The following FUBP3 variants were observed in gnomAD, a reference collection of about 807,000 sequenced individuals.
FUBP3 encodes the protein far upstream element-binding protein 3.
Under a neutral mutation model 85.6 loss-of-function variants are expected in FUBP3, and 28 were observed. The observed-to-expected ratio is 0.33, with a 90% confidence interval of 0.24 to 0.45. The LOEUF is 0.45. FUBP3 is among the 20% of genes least tolerant of loss of function. The pLI is 1.00. For missense variants in FUBP3, 583 were observed against 755.1 expected (o/e 0.77, Z 2.67); for synonymous variants, 271 against 271.4 (o/e 1.00, Z 0.01).
At chr9:130,636,150 G>A (rs752425170) in intron 18 of FUBP3, 24 bp downstream of exon 18, 75 of 1,607,474 alleles carry the variant, frequency 4.7e-5, no homozygotes, top group Middle Eastern at 3.3e-4. Flanking sequence ...CACCAGCACC[G>A]CTGCCACTCC....
At chr9:130,621,772 A>G (rs1015472143) in intron 9 of FUBP3, among the ~76,000 whole-genome samples, 2 of 151,434 alleles carry the variant, frequency 1.3e-5, no homozygotes, top group African/African-American at 4.9e-5. Flanking sequence ...GGGTGTGGTG[A>G]CGCGTGCCTG....
chr9:130,589,705 AT>A (rs779633795), intron 1 of FUBP3, among the ~76,000 whole-genome samples: 98 of 73,768 alleles, frequency 1.3e-3, no homozygotes, highest in Middle Eastern at 9.3e-3. Flanking sequence ...ATATATATAT[AT>A]TTTTTTTTTT....
chr9:130,636,207 A>G, intron 18 of FUBP3, 81 bp downstream of exon 18: 1 of 1,410,628 alleles, frequency 7.1e-7, no homozygotes, highest in Non-Finnish European at 1.0e-6. Context: ...TCCTGACCCC[A>G]GGATGAGAGC....
At chr9:130,596,473 AT>A (rs1830873133) in intron 2 of FUBP3, among the ~76,000 whole-genome samples, 1 of 151,844 alleles carries the variant, frequency 6.6e-6, no homozygotes, top group African/African-American at 2.4e-5. Context: ...GAAAAATATA[AT>A]TTGCCATGAC....
chr9:130,580,888 C>A (rs1247900159), intron 1 of FUBP3: 2 of 152,206 alleles, frequency 1.3e-5, no homozygotes, highest in African/African-American at 2.4e-5. Flanking sequence ...ACTTTACTGC[C>A]TAGCTGCCAA....
chr9:130,603,358 A>AAAC (rs1831258619), intron 2 of FUBP3, among the ~76,000 whole-genome samples: 2 of 144,260 alleles, frequency 1.4e-5, no homozygotes, highest in Admixed American at 6.7e-5. Flanking sequence ...AAAAAAAAAA[A>AAAC]AAAAAAAAAA....
chr9:130,609,350 C>G (rs972765624), intron 2 of FUBP3, among the ~76,000 whole-genome samples: 1 of 151,104 alleles, frequency 6.6e-6, no homozygotes, highest in Non-Finnish European at 1.5e-5. Context: ...TCTTAGTGTC[C>G]GCTGCACATG....
At chr9:130,610,045 A>C in intron 3 of FUBP3, 58 bp downstream of exon 3, 1 of 1,269,358 alleles carries the variant, frequency 7.9e-7, no homozygotes, top group Non-Finnish European at 1.2e-6. Context: ...TTATTGATCC[A>C]CCATCTGTAC....
intron 2 of FUBP3, among the ~76,000 whole-genome samples, chr9:130,607,128 A>G (rs1350960999): frequency 6.8e-6 from 1 of 146,782 alleles, no homozygotes; most frequent in Non-Finnish European, 1.5e-5. Flanking sequence ...ACACCCAGCT[A>G]ATTTGTGTAT....
chr9:130,584,649 A>C (rs191791773), intron 1 of FUBP3, among the ~76,000 whole-genome samples: 1 of 151,432 alleles, frequency 6.6e-6, no homozygotes, highest in East Asian at 1.9e-4. Context: ...CAGGTGGATC[A>C]CTTGAGGTCA....
chr9:130,614,131 A>C (rs1296815990), intron 5 of FUBP3, among the ~76,000 whole-genome samples, 157 bp from the exon 6 acceptor site: 1 of 152,188 alleles, frequency 6.6e-6, no homozygotes, highest in Admixed American at 6.5e-5. Flanking sequence ...CTACCAGCTT[A>C]ATATTCTGTC....
At position 130,614,331 on chromosome 9, in the gene FUBP3, C is replaced by T; in HGVS notation, c.390C>T (p.Thr130=). 6.3e-7 allele frequency: 1 copy of T among 1,596,508 alleles called. No homozygotes were observed. The change falls in exon 6 of 19, where the codon ACC becomes ACT. Residue 130 remains threonine, a synonymous_variant. Transcript: ENST00000319725. ...AGAGGCCCTGTGTACTTACCGGAACCCCAGAAAGTATTGAGTAAGTTTATT... is the reference window on the plus strand; with the variant it reads ...AGAGGCCCTGTGTACTTACCGGAACTCCAGAAAGTATTGAGTAAGTTTATT... ...IPERPCVLTG[T]PESIEQAKRL...
Position 130,617,874 on chromosome 9 carries a change from T to C in FUBP3, c.645T>C (p.Thr215=). ...GAGCAGACAAGCCTCTTCGTATCAC[T>C]GGAGATGCATTTAAAGTACAGGTAG... ...PTGADKPLRI[T]GDAFKVQQAR... is the part of the protein sequence containing the mutation. Residue 215 remains threonine, a synonymous_variant, in exon 8 of 19, where the codon ACT becomes ACC. Coordinates refer to ENST00000319725, the MANE Select transcript of FUBP3 (RefSeq NM_003934.2). 6.3e-7 allele frequency: 1 copy of C among 1,590,498 alleles called. No individual in the cohort carries two copies. Among genetic ancestry groups the C allele is most frequent in the African/African-American group, 1.3e-5 (1 of 74,570 alleles).
intron 1 of FUBP3, among the ~76,000 whole-genome samples, chr9:130,582,303 T>A (rs75564750): frequency 0.048 from 7,242 of 152,008 alleles, 277 homozygotes; most frequent in South Asian, 0.072. Flanking sequence ...ATTAAAAAAA[T>A]TAGCTGGATG....
At chr9:130,624,592 T>TA (rs1747629275) in intron 11 of FUBP3, among the ~76,000 whole-genome samples, 1 of 151,298 alleles carries the variant, frequency 6.6e-6, no homozygotes, top group South Asian at 2.1e-4. Flanking sequence ...TAAACTTTCT[T>TA]AAAATGTTAC....
chr9:130,599,389 A>G (rs1283254415), intron 2 of FUBP3, among the ~76,000 whole-genome samples: 17 of 150,506 alleles, frequency 1.1e-4, no homozygotes, highest in African/African-American at 3.5e-4. Context: ...GTGTGTATAT[A>G]TATATATATG....
At position 130,614,328 on chromosome 9, in the gene FUBP3, A is replaced by C; in HGVS notation, c.387A>C (p.Gly129=). Residue 129 remains glycine (G), a synonymous_variant, in exon 6 of 19, where the codon GGA becomes GGC. Coordinates refer to ENST00000319725, the MANE Select transcript of FUBP3 (RefSeq NM_003934.2). ...CAGAGAGGCCCTGTGTACTTACCGG[A>C]ACCCCAGAAAGTATTGAGTAAGTTT... ...GIPERPCVLT[G]TPESIEQAKR... is the part of the protein sequence containing the mutation. 1.3e-6 allele frequency: 2 copies of C among 1,599,178 alleles called. No homozygotes were observed. Among genetic ancestry groups the C allele is most frequent in the Non-Finnish European group, 1.7e-6 (2 of 1,166,650 alleles).
At chr9:130,631,432 G>A (rs562075351) in intron 13 of FUBP3, 125 bp from the exon 14 acceptor site, 91 of 1,249,712 alleles carry the variant, frequency 7.3e-5, no homozygotes, top group Non-Finnish European at 9.1e-5. Context: ...GTGTGAGTGC[G>A]TAGGTGTCCT....
rs879356941 is a variant in FUBP3, at chr9:130,607,279, CT to C, written c.191-2660del. On this transcript the variant is annotated intron_variant, in intron 2 of 18. Coordinates refer to ENST00000319725, the MANE Select transcript of FUBP3 (RefSeq NM_003934.2). Reference sequence around the variant, plus strand: ...GAGTGACAGCACCTGACCTGACCTCCTTTTTTTTTTTTTTTAAGATTATTAT... The same window carrying C: ...GAGTGACAGCACCTGACCTGACCTCCTTTTTTTTTTTTTTAAGATTATTAT... Among the ~76,000 whole-genome samples, 763 of 141,226 alleles carry C rather than the reference CT, an allele frequency of 5.4e-3. 3 individuals are homozygous for C. The highest frequency in any genetic ancestry group is 0.015 in the East Asian group (76 of 4,920). 92.6% of individuals were successfully genotyped at this position (141,226 alleles called of 152,430 possible). A position where few individuals can be genotyped will look rare whatever the true frequency, so the allele number is the denominator to read the frequency against.
Sources: gnomAD v4.1 joint callset for allele counts (sites outside exome capture counted in the v4.1 genomes callset) on GRCh38, gnomAD v4.1.1 for gene constraint, MANE v1.5 for transcripts, NCBI Gene and HGNC (gene_info 2026-07-23, HGNC 2026-07-21) for gene names.